The following BMAL1 variants were observed in gnomAD, a reference collection of about 807,000 sequenced individuals.
BMAL1 encodes basic helix-loop-helix ARNT-like protein 1.
the BMAL1 span, among the ~76,000 whole-genome samples, chr11:13,355,512 C>T: frequency 6.6e-6 from 1 of 152,160 alleles, no homozygotes; most frequent in African/African-American, 2.4e-5. Context: ...TGGTCACCAC[C>T]CAAGATTTCC....
the BMAL1 span, among the ~76,000 whole-genome samples, chr11:13,349,778 G>A: frequency 6.6e-6 from 1 of 152,164 alleles, no homozygotes; most frequent in Middle Eastern, 3.2e-3. Context: ...CAGGCAGCAA[G>A]GGGTGGTGAG....
At chr11:13,283,045 G>C in the BMAL1 span, among the ~76,000 whole-genome samples, 1 of 152,222 alleles carries the variant, frequency 6.6e-6, no homozygotes. Context: ...GATAAGATTG[G>C]ATAAGGTTTA....
the BMAL1 span, among the ~76,000 whole-genome samples, chr11:13,294,444 T>C: frequency 6.6e-6 from 1 of 152,224 alleles, no homozygotes; most frequent in Non-Finnish European, 1.5e-5. Context: ...AAAGACCAGT[T>C]AAAAATTAAT....
chr11:13,382,799 G>C, the BMAL1 span, among the ~76,000 whole-genome samples: 1 of 152,134 alleles, frequency 6.6e-6, no homozygotes, highest in Admixed American at 6.5e-5. Context: ...ACAAGATCCA[G>C]GCTCCTCAGC....
chr11:13,345,885 T>G, the BMAL1 span, among the ~76,000 whole-genome samples: 3 of 152,346 alleles, frequency 2.0e-5, no homozygotes, highest in East Asian at 5.8e-4. Context: ...CCTGCCTGTG[T>G]CTGTCAGCAT....
the BMAL1 span, chr11:13,375,747 C>T: frequency 3.2e-6 from 5 of 1,577,238 alleles, no homozygotes; most frequent in South Asian, 4.7e-5. Context: ...ATTGTCTCAA[C>T]TAACACTGTT....
the BMAL1 span, among the ~76,000 whole-genome samples, chr11:13,328,028 A>G: frequency 1.3e-5 from 2 of 152,208 alleles, no homozygotes; most frequent in Non-Finnish European, 2.9e-5. Flanking sequence ...TGTTTCATTG[A>G]TACTATGTGC....
chr11:13,353,091 C>T, the BMAL1 span: 1 of 152,340 alleles, frequency 6.6e-6, no homozygotes, highest in East Asian at 1.9e-4. Context: ...GGGGGGAAAA[C>T]AGGCCGACTG....
the BMAL1 span, chr11:13,375,856 T>C: frequency 7.3e-6 from 9 of 1,237,438 alleles, no homozygotes; most frequent in Non-Finnish European, 9.8e-6. Flanking sequence ...ACATCCAGTA[T>C]CACATCCTTT....
At chr11:13,324,898 A>T in the BMAL1 span, among the ~76,000 whole-genome samples, 1 of 152,202 alleles carries the variant, frequency 6.6e-6, no homozygotes, top group Non-Finnish European at 1.5e-5. Context: ...CTTTTATTTT[A>T]GAAAGCCAGC....
chr11:13,310,518 C>T, the BMAL1 span, among the ~76,000 whole-genome samples: 1 of 152,198 alleles, frequency 6.6e-6, no homozygotes, highest in African/African-American at 2.4e-5. Context: ...TCTGATGATT[C>T]TAGTCCATCA....
the BMAL1 span, among the ~76,000 whole-genome samples, chr11:13,302,160 A>AGAG: frequency 2.6e-5 from 4 of 152,308 alleles, no homozygotes; most frequent in South Asian, 8.3e-4. Context: ...ACAGGAAGAC[A>AGAG]GAGCTTTAAG....
At chr11:13,340,001 T>A in the BMAL1 span, among the ~76,000 whole-genome samples, 1 of 152,218 alleles carries the variant, frequency 6.6e-6, no homozygotes, top group Non-Finnish European at 1.5e-5. Flanking sequence ...TGGGCCAGCA[T>A]GCCAACAGTG....
chr11:13,281,095 G>A, the BMAL1 span, among the ~76,000 whole-genome samples: 1 of 152,150 alleles, frequency 6.6e-6, no homozygotes, highest in Non-Finnish European at 1.5e-5. Context: ...CTGGCACACA[G>A]GAAGCCTTTC....
At chr11:13,314,395 G>A in the BMAL1 span, among the ~76,000 whole-genome samples, 127 of 152,154 alleles carry the variant, frequency 8.3e-4, 1 homozygote, top group African/African-American at 2.6e-3. Flanking sequence ...GTGATAAAAT[G>A]TACCTGAAAT....
At chr11:13,287,642 T>C in the BMAL1 span, among the ~76,000 whole-genome samples, 1 of 152,208 alleles carries the variant, frequency 6.6e-6, no homozygotes, top group Non-Finnish European at 1.5e-5. Context: ...CTTTGGAGTT[T>C]AGGTTGCCAT....
the BMAL1 span, among the ~76,000 whole-genome samples, chr11:13,350,565 G>A: frequency 6.6e-6 from 1 of 152,122 alleles, no homozygotes. Context: ...TAGATCAGAG[G>A]AACAGAGTAG....
chr11:13,309,124 T>TA, the BMAL1 span, among the ~76,000 whole-genome samples: 1 of 152,130 alleles, frequency 6.6e-6, no homozygotes, highest in Non-Finnish European at 1.5e-5. Context: ...AGAGATTAAA[T>TA]AAAAAACAGA....
chr11:13,305,586 T>G, the BMAL1 span, among the ~76,000 whole-genome samples: 1 of 152,354 alleles, frequency 6.6e-6, no homozygotes, highest in South Asian at 2.1e-4. Flanking sequence ...ATCTGTATGT[T>G]TTTTATTTCT....
Sources: gnomAD v4.1 joint callset for allele counts (sites outside exome capture counted in the v4.1 genomes callset) on GRCh38, gnomAD v4.1.1 for gene constraint, MANE v1.5 for transcripts, NCBI Gene and HGNC (gene_info 2026-07-23, HGNC 2026-07-21) for gene names.